TOGARAM2: variants seen among roughly 807,000 people sequenced by gnomAD.
The protein encoded by TOGARAM2 is TOG array regulator of axonemal microtubules 2.
A neutral mutation model predicts 93.3 loss-of-function variants in TOGARAM2; 85 were observed. The observed-to-expected ratio is 0.91, with a 90% confidence interval of 0.76 to 1.09. The LOEUF is 1.09. Ranked by LOEUF, TOGARAM2 falls within the 50% of genes least tolerant of loss-of-function variation. The pLI, the probability that TOGARAM2 is intolerant of heterozygous loss-of-function variation, is 0.00. For missense variants in TOGARAM2, 1,277 were observed against 1,334.5 expected (o/e 0.96, Z 0.67); for synonymous variants, 593 against 552.8 (o/e 1.07, Z -1.02).
rs538374067 is a variant in TOGARAM2, at chr2:29,032,729, A to G, written c.2013-205A>G. On this transcript the variant is annotated intron_variant, in intron 14 of 19. Coordinates refer to ENST00000379558, the MANE Select transcript of TOGARAM2 (RefSeq NM_199280.4). Reference sequence around the variant, plus strand: ...AAAGACTATAGGAAAATATGTAAAAATTTAATAGGGATTTTCTCTTGGTAA... The same window carrying G: ...AAAGACTATAGGAAAATATGTAAAAGTTTAATAGGGATTTTCTCTTGGTAA... The G allele has an allele frequency of 2.7e-5, 14 of 512,866 alleles. No homozygotes were observed. The South Asian group carries it at 3.8e-4, about 14-fold the overall frequency. 31.8% of individuals were successfully genotyped at this position (512,866 alleles called of 1,614,324 possible).
chr2:29,049,211 G>A (rs1391402288), intron 19 of TOGARAM2: 1 of 152,152 alleles, frequency 6.6e-6, no homozygotes, highest in Non-Finnish European at 1.5e-5. Context: ...ATGTTGGCCA[G>A]GCTGGTCTTG....
chr2:28,978,951 G>C (rs58483837), upstream of TOGARAM2, among the ~76,000 whole-genome samples: 15,100 of 152,190 alleles, frequency 0.099, 1,577 homozygotes, highest in East Asian at 0.61. Context: ...CAATTTGGGG[G>C]CTTCTTTAAG....
intron 1 of TOGARAM2, among the ~76,000 whole-genome samples, chr2:28,965,373 A>C (rs1345548681): frequency 6.6e-6 from 1 of 152,090 alleles, no homozygotes; most frequent in Non-Finnish European, 1.5e-5. Flanking sequence ...TGGATTGAAT[A>C]ATTTTAAAAT....
intron 9 of TOGARAM2, 33 bp downstream of exon 9, chr2:29,017,337 C>T (rs768749498): frequency 2.1e-5 from 32 of 1,533,284 alleles, no homozygotes; most frequent in Admixed American, 2.0e-4. Flanking sequence ...TTTGCTCAGG[C>T]CTGGGGAGCT....
Position 29,002,458 on chromosome 2 carries a change from C to T in TOGARAM2, c.428-78C>T, listed in dbSNP as rs865960940. 3.0e-5 allele frequency: 40 copies of T among 1,323,948 alleles called. No homozygotes were observed. The African/African-American group carries it at 3.7e-4, about 12-fold the overall frequency. The allele number at this position is 1,323,948 out of a possible 1,614,324, so 82.0% of individuals were successfully genotyped here. The stretch of plus-strand genomic sequence containing the variant: ...CAGTCCTTCCCAGGGCAGAAGGCCC[C>T]GTTGCTGGGGTCTGAATCCACCTTC... On this transcript the variant is annotated intron_variant, in intron 4 of 19. Coordinates refer to ENST00000379558, the MANE Select transcript of TOGARAM2 (RefSeq NM_199280.4).
intron 18 of TOGARAM2, among the ~76,000 whole-genome samples, chr2:29,044,499 G>A (rs769382081): frequency 7.2e-5 from 11 of 152,228 alleles, no homozygotes; most frequent in Middle Eastern, 3.4e-3. Context: ...CTGGGTTCCC[G>A]GGACTCGGGA....
chr2:28,969,396 G>A (rs1255869777), intron 1 of TOGARAM2, among the ~76,000 whole-genome samples: 1 of 152,228 alleles, frequency 6.6e-6, no homozygotes, highest in East Asian at 1.9e-4. Flanking sequence ...AGAGGCAGGG[G>A]GCTTTGGTCC....
At chr2:29,019,659 C>G (rs959082052) in intron 10 of TOGARAM2, among the ~76,000 whole-genome samples, 1 of 152,118 alleles carries the variant, frequency 6.6e-6, no homozygotes, top group East Asian at 1.9e-4. Context: ...GGCAGGTGAG[C>G]GGGTAGGTAG....
chr2:28,959,878 T>C (rs952724398), intron 1 of TOGARAM2, among the ~76,000 whole-genome samples: 3 of 152,238 alleles, frequency 2.0e-5, no homozygotes, highest in Admixed American at 6.5e-5. Context: ...AATTGTGTCA[T>C]TGTGAGAATC....
chr2:29,022,669 C>T (rs1448719477), intron 11 of TOGARAM2, among the ~76,000 whole-genome samples: 1 of 152,194 alleles, frequency 6.6e-6, no homozygotes, highest in Non-Finnish European at 1.5e-5. Context: ...CTGCTCCGAG[C>T]GCTCCTCCCA....
chr2:28,979,824 C>T (rs1369983801), upstream of TOGARAM2, among the ~76,000 whole-genome samples: 2 of 152,156 alleles, frequency 1.3e-5, no homozygotes, highest in Non-Finnish European at 2.9e-5. Context: ...GCACGGCCAT[C>T]GGATCTGTGT....
chr2:29,034,365 T>C (rs902456111), intron 16 of TOGARAM2, among the ~76,000 whole-genome samples: 1 of 152,224 alleles, frequency 6.6e-6, no homozygotes, highest in Non-Finnish European at 1.5e-5. Context: ...CCACTCTGTG[T>C]CCTCATGTCC....
intron 8 of TOGARAM2, 86 bp from the exon 9 acceptor site, chr2:29,017,068 G>A: frequency 6.6e-7 from 1 of 1,521,896 alleles, no homozygotes; most frequent in Non-Finnish European, 8.9e-7. Context: ...ACAGCAATTG[G>A]CACACAGTAG....
chr2:28,989,337 C>T lies in TOGARAM2; in HGVS notation c.-110-5388C>T, dbSNP rs187039042. Among the ~76,000 whole-genome samples, 15 of 151,634 alleles carry T rather than the reference C, an allele frequency of 9.9e-5. No homozygotes were observed. In the East Asian group the frequency reaches 2.1e-3, roughly 22 times the overall value. On this transcript the variant is annotated intron_variant, in intron 1 of 19. Coordinates refer to ENST00000379558, the MANE Select transcript of TOGARAM2 (RefSeq NM_199280.4). Reference sequence around the variant, plus strand: ...AAGTGCTGGGATTACAGGTGTAAGCCGCCATACCGGGCCCGCTTTTCATAT... The same window carrying T: ...AAGTGCTGGGATTACAGGTGTAAGCTGCCATACCGGGCCCGCTTTTCATAT...
intron 14 of TOGARAM2, among the ~76,000 whole-genome samples, chr2:29,031,615 T>C (rs1665770357): frequency 6.6e-6 from 1 of 152,322 alleles, no homozygotes; most frequent in Admixed American, 6.5e-5. Context: ...ATCCATTAGA[T>C]ATCAATGAAG....
chr2:28,964,126 A>G (rs571300155), intron 1 of TOGARAM2, among the ~76,000 whole-genome samples: 124 of 152,310 alleles, frequency 8.1e-4, no homozygotes, highest in African/African-American at 2.8e-3. Context: ...TTCTCCCATT[A>G]ATTACTGAAA....
chr2:29,051,651 G>T lies in TOGARAM2; in HGVS notation c.2723-105G>T, dbSNP rs939851983. On this transcript the variant is annotated intron_variant, in intron 19 of 19. Coordinates refer to ENST00000379558, the MANE Select transcript of TOGARAM2 (RefSeq NM_199280.4). ...GTCATGATCCTTAGTTGCTGTGCCT[G>T]CTGGGCTGCCAGCCCTTTGGGGGAC... 5 of 865,932 alleles carry T rather than the reference G, an allele frequency of 5.8e-6. No individual in the cohort carries two copies. The African/African-American group carries it at 8.5e-5, about 15-fold the overall frequency. The allele number at this position is 865,932 out of a possible 1,614,324, so 53.6% of individuals were successfully genotyped here. A position where few individuals can be genotyped will look rare whatever the true frequency, so the allele number is the denominator to read the frequency against.
At chr2:29,033,681 A>AT in intron 16 of TOGARAM2, 118 bp downstream of exon 16, 3 of 867,570 alleles carry the variant, frequency 3.5e-6, no homozygotes, top group Non-Finnish European at 5.3e-6. Flanking sequence ...TATCGCTGAG[A>AT]CCTAGTTGGG....
At chr2:29,027,278 G>C (rs567341062) in intron 14 of TOGARAM2, among the ~76,000 whole-genome samples, 65 of 152,088 alleles carry the variant, frequency 4.3e-4, no homozygotes, top group African/African-American at 1.6e-3. Flanking sequence ...CTACCTCACC[G>C]CAGCACCATT....
Sources: gnomAD v4.1 joint callset for allele counts (sites outside exome capture counted in the v4.1 genomes callset) on GRCh38, gnomAD v4.1.1 for gene constraint, MANE v1.5 for transcripts, NCBI Gene and HGNC (gene_info 2026-07-23, HGNC 2026-07-21) for gene names.